GRIN2A: variants seen among roughly 807,000 people sequenced by gnomAD.
GRIN2A encodes glutamate receptor ionotropic, NMDA 2A.
Under a neutral mutation model 113.4 loss-of-function variants are expected in GRIN2A, and 22 were observed. That is an observed-to-expected ratio of 0.19 (90% CI 0.14 to 0.28). The LOEUF is 0.28. Ranked by LOEUF, GRIN2A falls within the 10% of genes least tolerant of loss-of-function variation. GRIN2A has a pLI of 1.00. For missense variants in GRIN2A, 1,502 were observed against 1,887.0 expected, an observed-to-expected ratio of 0.80 and a Z score of 3.78; for synonymous variants, 827 against 738.4, an observed-to-expected ratio of 1.12 and a Z score of -1.94.
intron 2 of GRIN2A, among the ~76,000 whole-genome samples, chr16:10,117,304 T>A (rs1223320772): frequency 6.6e-6 from 1 of 152,174 alleles, no homozygotes. Flanking sequence ...GGAGCTCTTA[T>A]CTTTAGAGAC....
chr16:10,026,728 T>C (rs1445488301), intron 2 of GRIN2A, among the ~76,000 whole-genome samples: 1 of 152,162 alleles, frequency 6.6e-6, no homozygotes, highest in Non-Finnish European at 1.5e-5. Flanking sequence ...GAAAGCCTAG[T>C]AGCTCCACTC....
intron 5 of GRIN2A, among the ~76,000 whole-genome samples, chr16:9,843,737 T>TGG (rs138594069): frequency 6.6e-6 from 1 of 151,932 alleles, no homozygotes; most frequent in African/African-American, 2.4e-5. Context: ...CCACCCTTAG[T>TGG]GGGGGGGTAG....
intron 2 of GRIN2A, among the ~76,000 whole-genome samples, chr16:10,144,354 T>C (rs1363315412): frequency 6.6e-6 from 1 of 152,226 alleles, no homozygotes; most frequent in Non-Finnish European, 1.5e-5. Flanking sequence ...TCCTAACAGG[T>C]GTGAGATAAT....
intron 9 of GRIN2A, among the ~76,000 whole-genome samples, chr16:9,824,499 T>G (rs1360894629): frequency 6.6e-6 from 1 of 152,180 alleles, no homozygotes; most frequent in Non-Finnish European, 1.5e-5. Flanking sequence ...GCTGCATAGG[T>G]CTTTAAAAAT....
intron 4 of GRIN2A, among the ~76,000 whole-genome samples, chr16:9,854,038 A>G (rs143633610): frequency 1.3e-5 from 2 of 152,274 alleles, no homozygotes; most frequent in Non-Finnish European, 2.9e-5. Context: ...CAGGAATTTT[A>G]TATGCGTAAT....
intron 5 of GRIN2A, 71 bp from the exon 6 acceptor site, chr16:9,841,175 C>G (rs1207127216): frequency 7.7e-7 from 1 of 1,301,960 alleles, no homozygotes; most frequent in Non-Finnish European, 1.1e-6. Flanking sequence ...TAGCTGTACT[C>G]TTCTCCTATT....
chr16:9,803,491 A>AT (rs1418654273), intron 10 of GRIN2A, among the ~76,000 whole-genome samples: 6 of 152,216 alleles, frequency 3.9e-5, no homozygotes, highest in African/African-American at 1.4e-4. Context: ...AAGTGTTATT[A>AT]TATAAGTAAA....
chr16:9,922,613 A>G (rs1157416433), intron 3 of GRIN2A, among the ~76,000 whole-genome samples: 1 of 152,182 alleles, frequency 6.6e-6, no homozygotes, highest in Non-Finnish European at 1.5e-5. Context: ...AACCAAGCAA[A>G]GAGCCAAATG....
At chr16:9,900,300 C>CA (rs2043895680) in intron 3 of GRIN2A, among the ~76,000 whole-genome samples, 1 of 152,152 alleles carries the variant, frequency 6.6e-6, no homozygotes, top group South Asian at 2.1e-4. Flanking sequence ...GTTCAGAGCT[C>CA]ACAGCACCCC....
At position 10,159,169 on chromosome 16, in the gene GRIN2A, C is replaced by A. The variant is rs149183055; in HGVS notation, c.414+20829G>T. 1.7e-3 allele frequency among the ~76,000 whole-genome samples: 254 copies of A among 152,238 alleles called. 2 individuals are homozygous for A. Among genetic ancestry groups the A allele is most frequent in the African/African-American group, 5.7e-3 (237 of 41,542 alleles). ...GAGGGTGGTGGTCCTCGGATCCCTG[C>A]CTGCAACACTCTGCCTGCACATCAG... is the stretch of plus-strand genomic sequence containing the variant. On this transcript the variant is annotated intron_variant, in intron 2 of 12. Coordinates refer to ENST00000330684, the MANE Select transcript of GRIN2A (RefSeq NM_001134407.3).
In GRIN2A at chr16:9,840,813, CAAAAAAAA is replaced by C. The variant is rs745951746; in HGVS notation, c.1498-21_1498-14del. 7.2e-5 allele frequency: 78 copies of C among 1,085,100 alleles called. No homozygotes were observed. The highest frequency in any genetic ancestry group is 2.5e-4 in the Middle Eastern group (1 of 4,016). 67.2% of individuals were successfully genotyped at this position (1,085,100 alleles called of 1,614,324 possible). On this transcript the variant is annotated splice_polypyrimidine_tract_variant and intron_variant, in intron 6 of 12. Coordinates refer to ENST00000330684, the MANE Select transcript of GRIN2A (RefSeq NM_001134407.3). ...GTTGATAGACCACCTGGATGCAAGG[CAAAAAAAA>C]AAAAAAAAAAAAGAGAGAGAGAGAA...
chr16:9,804,337 C>T (rs1294776901), intron 10 of GRIN2A, among the ~76,000 whole-genome samples: 1 of 152,080 alleles, frequency 6.6e-6, no homozygotes, highest in Non-Finnish European at 1.5e-5. Flanking sequence ...CTTGGAACAC[C>T]ACTGAGGGGC....
At chr16:10,118,461 C>A (rs1288424284) in intron 2 of GRIN2A, among the ~76,000 whole-genome samples, 1 of 152,162 alleles carries the variant, frequency 6.6e-6, no homozygotes, top group Non-Finnish European at 1.5e-5. Context: ...TTCAGGTTAA[C>A]AAGTAAAATC....
intron 2 of GRIN2A, among the ~76,000 whole-genome samples, chr16:10,095,107 C>T (rs954305163): frequency 3.3e-5 from 5 of 152,058 alleles, no homozygotes; most frequent in Non-Finnish European, 5.9e-5. Context: ...TCTCTCTCCA[C>T]CAGCATGCAC....
At chr16:10,026,005 C>G (rs1413283183) in intron 2 of GRIN2A, among the ~76,000 whole-genome samples, 2 of 152,236 alleles carry the variant, frequency 1.3e-5, no homozygotes, top group African/African-American at 4.8e-5. Flanking sequence ...GCCTCTTTGA[C>G]TCACACAATA....
intron 2 of GRIN2A, among the ~76,000 whole-genome samples, chr16:10,139,544 T>C (rs565324921): frequency 1.3e-5 from 2 of 152,334 alleles, no homozygotes; most frequent in East Asian, 3.9e-4. Flanking sequence ...GGGATACAGA[T>C]GTGGCTGCTC....
At chr16:9,860,352 G>T (rs566842781) in intron 4 of GRIN2A, among the ~76,000 whole-genome samples, 38 of 149,772 alleles carry the variant, frequency 2.5e-4, no homozygotes, top group Middle Eastern at 3.5e-3. Flanking sequence ...GGAAGTTGAG[G>T]CATGAGAATC....
chr16:9,895,573 C>T (rs1486641575), intron 3 of GRIN2A, among the ~76,000 whole-genome samples: 1 of 152,106 alleles, frequency 6.6e-6, no homozygotes, highest in African/African-American at 2.4e-5. Context: ...TTTGTAGTAA[C>T]GCAAGCAAGG....
At chr16:10,147,378 G>A (rs2049462843) in intron 2 of GRIN2A, among the ~76,000 whole-genome samples, 1 of 147,224 alleles carries the variant, frequency 6.8e-6, no homozygotes, top group African/African-American at 2.5e-5. Flanking sequence ...GGAGGCCGAG[G>A]TAAGCAGATC....
Sources: gnomAD v4.1 joint callset for allele counts (sites outside exome capture counted in the v4.1 genomes callset) on GRCh38, gnomAD v4.1.1 for gene constraint, MANE v1.5 for transcripts, NCBI Gene and HGNC (gene_info 2026-07-23, HGNC 2026-07-21) for gene names.